CCDC178: variants seen among roughly 807,000 people sequenced by gnomAD.
CCDC178 encodes coiled-coil domain-containing protein 178.
CCDC178 carries 126 observed loss-of-function variants against 117.4 expected under a neutral mutation model. The observed-to-expected ratio is 1.07, with a 90% CI of 0.93 to 1.24. The LOEUF (loss-of-function observed/expected upper bound fraction) is 1.24, where lower values mean the gene tolerates loss of function less well. Ranked by LOEUF, CCDC178 falls within the 50% of genes most tolerant of loss-of-function variation. The pLI is 0.00. For synonymous variants in CCDC178, 283 were observed against 313.4 expected (o/e 0.90, Z 1.02); for missense variants, 1,030 against 986.9 (o/e 1.04, Z -0.59).
intron 11 of CCDC178, among the ~76,000 whole-genome samples, chr18:33,308,182 C>T (rs150458182): frequency 5.0e-4 from 76 of 152,314 alleles, no homozygotes; most frequent in Non-Finnish European, 1.0e-3. Flanking sequence ...TGGATGGAGA[C>T]TATAACCAGC....
chr18:33,233,899 C>A (rs2059396995), intron 15 of CCDC178, among the ~76,000 whole-genome samples: 1 of 152,008 alleles, frequency 6.6e-6, no homozygotes, highest in Non-Finnish European at 1.5e-5. Context: ...AACCACATTT[C>A]CTTTCAAACA....
At chr18:33,346,151 G>A in intron 9 of CCDC178, 60 bp downstream of exon 9, 2 of 1,289,140 alleles carry the variant, frequency 1.6e-6, no homozygotes, top group Non-Finnish European at 2.2e-6. Context: ...ATACAGACCT[G>A]TAATTAATTA....
At chr18:33,278,346 C>T (rs2059979094) in intron 12 of CCDC178, among the ~76,000 whole-genome samples, 1 of 147,916 alleles carries the variant, frequency 6.8e-6, no homozygotes, top group African/African-American at 2.5e-5. Flanking sequence ...CCAAATCCAT[C>T]ATTTTTTAAG....
chr18:33,092,466 A>ACTATGATAATATATTTAAAT (rs772066017), intron 21 of CCDC178, among the ~76,000 whole-genome samples: 172 of 152,214 alleles, frequency 1.1e-3, no homozygotes, highest in Non-Finnish European at 1.9e-3. Flanking sequence ...AAATATAAAG[A>ACTATGATAATATATTTAAAT]CTATGATAAT....
At chr18:33,095,110 T>C (rs1299800785) in intron 20 of CCDC178, among the ~76,000 whole-genome samples, 1 of 152,010 alleles carries the variant, frequency 6.6e-6, no homozygotes, top group African/African-American at 2.4e-5. Flanking sequence ...AAATAGCTCA[T>C]AAAAGGATAA....
At chr18:33,407,098 T>C (rs896457879) in intron 3 of CCDC178, among the ~76,000 whole-genome samples, 3 of 152,228 alleles carry the variant, frequency 2.0e-5, no homozygotes, top group African/African-American at 4.8e-5. Flanking sequence ...AACACATAAT[T>C]CTTTAATCTG....
intron 12 of CCDC178, among the ~76,000 whole-genome samples, chr18:33,267,871 A>T: frequency 6.6e-6 from 1 of 151,650 alleles, no homozygotes; most frequent in African/African-American, 2.4e-5. Context: ...TTAGGAAATG[A>T]ATAGCTTTTA....
At chr18:33,112,176 G>C (rs745423600) in intron 20 of CCDC178, among the ~76,000 whole-genome samples, 8 of 151,614 alleles carry the variant, frequency 5.3e-5, no homozygotes, top group Non-Finnish European at 1.2e-4. Flanking sequence ...AAAAATCATA[G>C]TTTTTTATAT....
chr18:33,063,115 G>A (rs562719524), intron 21 of CCDC178, among the ~76,000 whole-genome samples: 5 of 152,224 alleles, frequency 3.3e-5, no homozygotes, highest in East Asian at 3.9e-4. Context: ...CCAGCCAGGC[G>A]CCATCCTGGG....
At chr18:33,084,826 A>G (rs762797338) in intron 21 of CCDC178, among the ~76,000 whole-genome samples, 1 of 150,670 alleles carries the variant, frequency 6.6e-6, no homozygotes, top group Non-Finnish European at 1.5e-5. Flanking sequence ...AAAAAAAAAG[A>G]AAGAAAGATT....
At chr18:32,962,775 T>G (rs1245790149) in intron 22 of CCDC178, among the ~76,000 whole-genome samples, 1 of 151,986 alleles carries the variant, frequency 6.6e-6, no homozygotes, top group Non-Finnish European at 1.5e-5. Flanking sequence ...TTTATGTTTT[T>G]CACCAAAATG....
chr18:33,227,156 T>C (rs1455617720), intron 15 of CCDC178, among the ~76,000 whole-genome samples: 1 of 152,014 alleles, frequency 6.6e-6, no homozygotes, highest in African/African-American at 2.4e-5. Flanking sequence ...TTTCTCCTTT[T>C]AAAAACTATC....
chr18:33,033,931 G>A (rs2056393692), intron 21 of CCDC178, among the ~76,000 whole-genome samples: 1 of 151,698 alleles, frequency 6.6e-6, no homozygotes, highest in Admixed American at 6.6e-5. Flanking sequence ...ATCTGTGTGT[G>A]TGTATATATA....
chr18:33,138,485 G>A (rs1349083455), intron 20 of CCDC178, among the ~76,000 whole-genome samples: 5 of 152,002 alleles, frequency 3.3e-5, no homozygotes, highest in Non-Finnish European at 7.4e-5. Flanking sequence ...CCTGCTTGGA[G>A]GACTGCTTAT....
chr18:33,320,588 A>G (rs2062492862), intron 11 of CCDC178, among the ~76,000 whole-genome samples: 1 of 152,206 alleles, frequency 6.6e-6, no homozygotes, highest in African/African-American at 2.4e-5. Flanking sequence ...CAATGAAATA[A>G]AAGAGGACAC....
chr18:33,379,461 T>A (rs993245242), intron 5 of CCDC178, among the ~76,000 whole-genome samples: 1 of 152,088 alleles, frequency 6.6e-6, no homozygotes, highest in Non-Finnish European at 1.5e-5. Context: ...TTTTGCTTTA[T>A]GCAATAGGAT....
intron 2 of CCDC178, among the ~76,000 whole-genome samples, chr18:33,417,201 C>G (rs1275314044): frequency 2.0e-5 from 3 of 152,110 alleles, no homozygotes; most frequent in Admixed American, 6.6e-5. Flanking sequence ...AGATGTCTCT[C>G]AGTGGGTGAA....
intron 18 of CCDC178, among the ~76,000 whole-genome samples, chr18:33,220,754 C>A (rs964919641): frequency 1.3e-5 from 2 of 152,020 alleles, no homozygotes; most frequent in African/African-American, 4.8e-5. Flanking sequence ...AGGTAGCTGA[C>A]CTACCTGACT....
intron 20 of CCDC178, among the ~76,000 whole-genome samples, chr18:33,139,142 C>G (rs1056709357): frequency 5.3e-5 from 8 of 152,172 alleles, no homozygotes; most frequent in African/African-American, 1.9e-4. Flanking sequence ...CTCTCTTTGC[C>G]TGCTGCCATC....
Sources: allele counts gnomAD v4.1 joint callset (sites outside exome capture counted in the v4.1 genomes callset), GRCh38; gene constraint gnomAD v4.1.1; transcripts MANE v1.5; gene names NCBI Gene and HGNC (gene_info 2026-07-23, HGNC 2026-07-21).